WSCD2: variants seen among roughly 807,000 people sequenced by gnomAD.
WSCD2 encodes WSC domain sialate O sulfotransferase 2.
In WSCD2, 28 loss-of-function variants were observed where a neutral mutation model predicts 55.7. The ratio of observed to expected loss-of-function variants is 0.50; its 90% CI spans 0.37 to 0.69. The LOEUF (loss-of-function observed/expected upper bound fraction) is 0.69. WSCD2 is among the 30% of genes least tolerant of loss of function. The probability of loss-of-function intolerance (pLI) is 0.00; values close to 1 mark genes in which losing one functional copy is unlikely to be tolerated. For missense variants in WSCD2, 616 were observed against 762.1 expected, an observed-to-expected ratio of 0.81 and a Z score of 2.26; for synonymous variants, 301 against 301.9, an observed-to-expected ratio of 1.00 and a Z score of 0.03.
intron 8 of WSCD2, among the ~76,000 whole-genome samples, chr12:108,243,826 G>T (rs1889919756): frequency 6.6e-6 from 1 of 152,094 alleles, no homozygotes; most frequent in South Asian, 2.1e-4. Context: ...AAGAGCCAAG[G>T]TCACCTAGCT....
chr12:108,198,052 C>A (rs541636931), intron 2 of WSCD2, among the ~76,000 whole-genome samples: 1 of 151,668 alleles, frequency 6.6e-6, no homozygotes, highest in African/African-American at 2.4e-5. Flanking sequence ...AATAACCCCA[C>A]TTCCTACCCA....
At chr12:108,176,315 T>C (rs977329175) in intron 1 of WSCD2, among the ~76,000 whole-genome samples, 2 of 152,202 alleles carry the variant, frequency 1.3e-5, no homozygotes, top group African/African-American at 2.4e-5. Context: ...CCCTCTGTGG[T>C]CAATCCCTCT....
intron 1 of WSCD2, among the ~76,000 whole-genome samples, chr12:108,139,660 C>G (rs1876582378): frequency 6.6e-6 from 1 of 152,166 alleles, no homozygotes; most frequent in Admixed American, 6.5e-5. Context: ...AATGCATTCT[C>G]CAAGGGTTGC....
chr12:108,147,857 A>G lies in WSCD2; in HGVS notation c.-552+17931A>G, dbSNP rs185923521. Among the ~76,000 whole-genome samples, 562 of 151,450 alleles carry G rather than the reference A, an allele frequency of 3.7e-3. 1 individual carries two copies. Among genetic ancestry groups the G allele is most frequent in the African/African-American group, 0.013 (534 of 41,358 alleles). On this transcript the variant is annotated intron_variant, in intron 1 of 8. Transcript: ENST00000547525. Reference sequence around the variant, plus strand: ...GGGAGACAAAGTGAGACCCTGTCTCAGAAAAAAAAAAAAGAAAAAAGAAAA... The same window carrying G: ...GGGAGACAAAGTGAGACCCTGTCTCGGAAAAAAAAAAAAGAAAAAAGAAAA...
chr12:108,236,278 C>T (rs1889259083), intron 7 of WSCD2, among the ~76,000 whole-genome samples: 1 of 152,216 alleles, frequency 6.6e-6, no homozygotes, highest in South Asian at 2.1e-4. Flanking sequence ...GTCTCCCAGA[C>T]CCTCCTAGGC....
At chr12:108,170,433 G>C (rs1880116833) in intron 1 of WSCD2, among the ~76,000 whole-genome samples, 1 of 151,974 alleles carries the variant, frequency 6.6e-6, no homozygotes, top group African/African-American at 2.4e-5. Flanking sequence ...CAGGGATGAT[G>C]ATATTGACAA....
chr12:108,136,452 T>C (rs1876223027), intron 1 of WSCD2, among the ~76,000 whole-genome samples: 2 of 149,366 alleles, frequency 1.3e-5, no homozygotes, highest in African/African-American at 4.9e-5. Flanking sequence ...TAATATATGT[T>C]GGCCTGTGCT....
intron 1 of WSCD2, among the ~76,000 whole-genome samples, chr12:108,133,322 A>G (rs1875818302): frequency 1.3e-5 from 2 of 152,036 alleles, no homozygotes; most frequent in South Asian, 4.1e-4. Context: ...TGTCTCACGT[A>G]TGAGTGAATT....
chr12:108,240,263 G>C, intron 7 of WSCD2, 81 bp from the exon 8 acceptor site: 1 of 1,550,174 alleles, frequency 6.5e-7, no homozygotes, highest in Non-Finnish European at 8.8e-7. Context: ...GAGGATTCCC[G>C]AGGTGGCCCA....
intron 1 of WSCD2, among the ~76,000 whole-genome samples, chr12:108,181,276 G>GT (rs977981243): frequency 6.6e-6 from 1 of 152,170 alleles, no homozygotes; most frequent in African/African-American, 2.4e-5. Context: ...ATTCCTGGGG[G>GT]TGTGTGGGCG....
At chr12:108,147,858 G>GAA (rs34940032) in intron 1 of WSCD2, among the ~76,000 whole-genome samples, 1 of 134,482 alleles carries the variant, frequency 7.4e-6, no homozygotes, top group Non-Finnish European at 1.6e-5. Context: ...CCCTGTCTCA[G>GAA]AAAAAAAAAA....
At chr12:108,143,183 C>T (rs1479379202) in intron 1 of WSCD2, among the ~76,000 whole-genome samples, 1 of 152,218 alleles carries the variant, frequency 6.6e-6, no homozygotes, top group Non-Finnish European at 1.5e-5. Flanking sequence ...GACTAGCTAT[C>T]TTCTTCTAAA....
chr12:108,167,431 G>A (rs544563276), intron 1 of WSCD2: 5 of 152,128 alleles, frequency 3.3e-5, no homozygotes, highest in South Asian at 2.1e-4. Context: ...CCAGATGTTC[G>A]CTTGTGTGTT....
At chr12:108,134,037 ATG>A (rs1292876214) in intron 1 of WSCD2, among the ~76,000 whole-genome samples, 1 of 152,118 alleles carries the variant, frequency 6.6e-6, no homozygotes, top group Non-Finnish European at 1.5e-5. Flanking sequence ...GTGGTGGGGT[ATG>A]GGTGGGTCTC....
At chr12:108,209,516 A>G (rs1192867301) in intron 3 of WSCD2, among the ~76,000 whole-genome samples, 1 of 152,074 alleles carries the variant, frequency 6.6e-6, no homozygotes, top group Non-Finnish European at 1.5e-5. Context: ...GCAGGTGTGT[A>G]CAGGTGAGTG....
chr12:108,248,625 T>C lies in WSCD2; in HGVS notation c.*282T>C, dbSNP rs543606646. ...GACTCTTTTCTGTCTCCTGGGTCCC[T>C]GCCCCCACCACTCTGGGTTCCATTT... On this transcript the variant is annotated 3_prime_UTR_variant, in exon 9 of 9. Coordinates refer to ENST00000547525, the MANE Select transcript of WSCD2 (RefSeq NM_014653.4). This position sits in a 1 kb window ranked among gnomAD's most constrained non-coding sequence, Gnocchi z 4.3. The C allele has an allele frequency of 6.9e-6, 8 of 1,157,804 alleles. No homozygotes were observed. The Admixed American group carries it at 1.6e-4, about 24-fold the overall frequency. 71.7% of individuals were successfully genotyped at this position (1,157,804 alleles called of 1,614,324 possible).
At chr12:108,192,813 TC>T (rs894292712) in intron 1 of WSCD2, among the ~76,000 whole-genome samples, 5 of 152,048 alleles carry the variant, frequency 3.3e-5, no homozygotes, top group African/African-American at 1.2e-4. Context: ...CCTCTATGGT[TC>T]CCCCAGGCAG....
At position 108,159,361 on chromosome 12, in the gene WSCD2, C is replaced by G. The variant is rs115008247; in HGVS notation, c.-552+29435C>G. Reference sequence around the variant, plus strand: ...CTTTTGTTATAGTGACACATTTAGTCCTCACAACAGCTCTGTGAGACAGAA... The same window carrying G: ...CTTTTGTTATAGTGACACATTTAGTGCTCACAACAGCTCTGTGAGACAGAA... On this transcript the variant is annotated intron_variant, in intron 1 of 8. Coordinates refer to ENST00000547525, the MANE Select transcript of WSCD2 (RefSeq NM_014653.4). 2.2e-3 allele frequency among the ~76,000 whole-genome samples: 328 copies of G among 152,294 alleles called. 1 individual carries two copies. The highest frequency in any genetic ancestry group is 7.3e-3 in the African/African-American group (302 of 41,558).
At chr12:108,212,446 T>A (rs982560340) in intron 4 of WSCD2, among the ~76,000 whole-genome samples, 2 of 152,120 alleles carry the variant, frequency 1.3e-5, no homozygotes, top group African/African-American at 2.4e-5. Flanking sequence ...TGGTTAATGT[T>A]CAGGTTGGCT....
Sources: gnomAD v4.1 joint callset for allele counts (sites outside exome capture counted in the v4.1 genomes callset) on GRCh38, gnomAD v4.1.1 for gene constraint, Gnocchi (gnomAD v3.1) non-coding constraint, MANE v1.5 for transcripts, NCBI Gene and HGNC (gene_info 2026-07-23, HGNC 2026-07-21) for gene names.